BRWD3: variants seen among roughly 807,000 people sequenced by gnomAD.
BRWD3 encodes the protein bromodomain and WD repeat-containing protein 3.
In BRWD3, 10 loss-of-function variants were observed where a neutral mutation model predicts 149.7. That is an observed-to-expected ratio of 0.07 (90% CI 0.04 to 0.11). BRWD3 has a LOEUF of 0.11. BRWD3 is among the 10% of genes least tolerant of loss of function. BRWD3 has a pLI of 1.00. For missense variants in BRWD3, 940 were observed against 1,373.2 expected (o/e 0.68, Z 4.99); for synonymous variants, 504 against 456.7 (o/e 1.10, Z -1.32).
intron 6 of BRWD3, among the ~76,000 whole-genome samples, chrX:80,767,589 C>G (rs1353287871): frequency 1.8e-5 from 2 of 111,605 alleles, no homozygotes; most frequent in Non-Finnish European, 3.8e-5. Context: ...ATAAAACCAC[C>G]AAGATTTGGA....
rs962721090 is a variant in BRWD3, at chrX:80,691,115, A to G, written c.3540T>C (p.Thr1180=). The change falls in exon 31 of 41, where the codon ACT becomes ACC. Residue 1180 remains threonine (T), a synonymous_variant. Transcript: ENST00000373275. Reference sequence around the variant, plus strand: ...TGAGGTCAGTTGGATAAGCAACTACAGTACAATACAAGGGGTAGGCACTGA... The same window carrying G: ...TGAGGTCAGTTGGATAAGCAACTACGGTACAATACAAGGGGTAGGCACTGA... The part of the protein sequence containing the change: ...VDLSAYPLYC[T]VVAYPTDLNT... The G allele has an allele frequency of 8.3e-7, 1 of 1,206,213 alleles. No individual in the cohort carries two copies. Among genetic ancestry groups the G allele is most frequent in the African/African-American group, 1.8e-5 (1 of 56,961 alleles).
intron 24 of BRWD3, among the ~76,000 whole-genome samples, chrX:80,701,910 A>G (rs1470542837): frequency 9.0e-6 from 1 of 111,253 alleles, no homozygotes; most frequent in Admixed American, 9.7e-5. Flanking sequence ...ATATATAACT[A>G]TAATGCAAGG....
rs772410263 is a variant in BRWD3 at position 80,809,232 on chromosome X, T to C, written c.90+14A>G. On this transcript the variant is annotated intron_variant, in intron 2 of 40. Transcript: ENST00000373275. ...CCATTCACCACGACTCCCAGATCTC[T>C]TTCTTCCCCTTACCTGAGCGGATTT... 1 of 1,195,852 alleles carries C rather than the reference T, an allele frequency of 8.4e-7. No individual in the cohort carries two copies.
intron 6 of BRWD3, 36 bp from the exon 7 acceptor site, chrX:80,745,765 G>A: frequency 8.9e-7 from 1 of 1,121,922 alleles, no homozygotes; most frequent in Non-Finnish European, 1.2e-6. Flanking sequence ...AAACTTAAAA[G>A]TGAAACTGAT....
Position 80,673,514 on chromosome X carries a change from C to T in BRWD3, c.*3095G>A, listed in dbSNP as rs1437353992. ...TTGGGGAAAAAACTTTACACACATACAAGTGCACAAACACACATATACAAA... is the reference window on the plus strand; with the variant it reads ...TTGGGGAAAAAACTTTACACACATATAAGTGCACAAACACACATATACAAA... On this transcript the variant is annotated 3_prime_UTR_variant, in exon 41 of 41. Transcript: ENST00000373275. The T allele has an allele frequency of 9.0e-6, 1 of 111,143 alleles. No individual in the cohort carries two copies. 9.2% of individuals were successfully genotyped at this position (111,143 alleles called of 1,213,427 possible).
At chrX:80,785,186 A>C (rs2074096270) in intron 6 of BRWD3, among the ~76,000 whole-genome samples, 1 of 112,444 alleles carries the variant, frequency 8.9e-6, no homozygotes, top group Non-Finnish European at 1.9e-5. Context: ...CATATGCCTC[A>C]GAATTTCCTT....
intron 4 of BRWD3, among the ~76,000 whole-genome samples, chrX:80,807,347 T>C (rs772014147): frequency 1.8e-5 from 2 of 112,285 alleles, no homozygotes; most frequent in South Asian, 7.3e-4. Flanking sequence ...GACTTGATAA[T>C]AATAATGTGG....
chrX:80,700,692 G>A (rs1204528031), intron 24 of BRWD3, among the ~76,000 whole-genome samples: 1 of 106,309 alleles, frequency 9.4e-6, no homozygotes, highest in Non-Finnish European at 1.9e-5. Context: ...AGCCGAGATC[G>A]CAACATTGCA....
At chrX:80,705,774 G>T (rs1455930529) in intron 22 of BRWD3, among the ~76,000 whole-genome samples, 2 of 111,641 alleles carry the variant, frequency 1.8e-5, no homozygotes, top group Admixed American at 9.5e-5. Context: ...CATAGAAAAG[G>T]TACAGTAAAA....
chrX:80,803,075 C>T (rs532381812), intron 4 of BRWD3, among the ~76,000 whole-genome samples: 84 of 97,294 alleles, frequency 8.6e-4, no homozygotes, highest in South Asian at 3.2e-3. Context: ...GCCTTCCAGC[C>T]TGGGCGACAG....
chrX:80,692,186 C>T (rs2072622136), intron 28 of BRWD3, 36 bp from the exon 29 acceptor site: 5 of 1,124,490 alleles, frequency 4.4e-6, no homozygotes, highest in Non-Finnish European at 6.1e-6. Flanking sequence ...TCAAATTAAT[C>T]ATATAGTACT....
At chrX:80,700,648 A>G (rs2072773377) in intron 24 of BRWD3, among the ~76,000 whole-genome samples, 2 of 105,658 alleles carry the variant, frequency 1.9e-5, no homozygotes, top group African/African-American at 6.9e-5. Flanking sequence ...GACGCAGGAG[A>G]ATCACTTGAA....
chrX:80,772,054 G>A, intron 6 of BRWD3, among the ~76,000 whole-genome samples: 1 of 111,847 alleles, frequency 8.9e-6, no homozygotes, highest in Non-Finnish European at 1.9e-5. Context: ...CTGGAAGACA[G>A]TGTGGCGATT....
At chrX:80,685,156 T>C (rs892724687) in intron 36 of BRWD3, among the ~76,000 whole-genome samples, 2 of 111,255 alleles carry the variant, frequency 1.8e-5, no homozygotes, top group Non-Finnish European at 3.8e-5. Flanking sequence ...GAAGTCCCAG[T>C]GGGAATAATC....
chrX:80,791,804 G>A lies in BRWD3; in HGVS notation c.430+50C>T, dbSNP rs1014399183. The A allele has an allele frequency of 3.1e-6, 3 of 976,928 alleles. No homozygotes were observed. In the Admixed American group the frequency reaches 6.9e-5, roughly 22 times the overall value. 80.5% of individuals were successfully genotyped at this position (976,928 alleles called of 1,213,427 possible). On this transcript the variant is annotated intron_variant, in intron 6 of 40. Coordinates refer to ENST00000373275, the MANE Select transcript of BRWD3 (RefSeq NM_153252.5). ...TATTTTTGTCTTCCTAATGAGTTCA[G>A]GAAGGAAAGAATCAACAATCTGTTT... is the stretch of plus-strand genomic sequence containing the variant.
At chrX:80,786,217 C>A (rs1016283853) in intron 6 of BRWD3, among the ~76,000 whole-genome samples, 3 of 111,357 alleles carry the variant, frequency 2.7e-5, no homozygotes, top group Non-Finnish European at 5.7e-5. Flanking sequence ...TATTTAATTT[C>A]TCAGTTGCAA....
At chrX:80,735,294 T>C (rs1378711652) in intron 9 of BRWD3, 97 bp from the exon 10 acceptor site, 5 of 683,481 alleles carry the variant, frequency 7.3e-6, no homozygotes, top group Non-Finnish European at 1.2e-5. Flanking sequence ...TTAGCATCAA[T>C]ATTATAGAAA....
intron 16 of BRWD3, among the ~76,000 whole-genome samples, chrX:80,723,475 C>T (rs2073178522): frequency 9.0e-6 from 1 of 110,503 alleles, no homozygotes; most frequent in Non-Finnish European, 1.9e-5. Context: ...CCTATTATAC[C>T]TGGAAGGCAG....
chrX:80,674,753 T>G lies in BRWD3; in HGVS notation c.*1856A>C, dbSNP rs1002449127. On this transcript the variant is annotated 3_prime_UTR_variant, in exon 41 of 41. Coordinates refer to ENST00000373275, the MANE Select transcript of BRWD3 (RefSeq NM_153252.5). The stretch of plus-strand genomic sequence containing the variant: ...TAACAGAAGTTAGTGCCATTAACAA[T>G]TCACAATACTTTCTCTTAAAGCCTG... The G allele has an allele frequency of 8.9e-6, 1 of 111,756 alleles. No individual in the cohort carries two copies. The highest frequency in any genetic ancestry group is 3.2e-5 in the African/African-American group (1 of 30,807). The allele number at this position is 111,756 out of a possible 1,213,427, so 9.2% of individuals were successfully genotyped here. A position where few individuals can be genotyped will look rare whatever the true frequency, so the allele number is the denominator to read the frequency against.
Sources: allele counts gnomAD v4.1 joint callset (sites outside exome capture counted in the v4.1 genomes callset), GRCh38; gene constraint gnomAD v4.1.1; transcripts MANE v1.5; gene names NCBI Gene and HGNC (gene_info 2026-07-23, HGNC 2026-07-21).